TCF4: variants seen among roughly 807,000 people sequenced by gnomAD.
TCF4 encodes the protein transcription factor 4, also known as SL3-3 enhancer factor 2.
In TCF4, 3 loss-of-function variants were observed where a neutral mutation model predicts 82.1. The observed-to-expected ratio is 0.04, with a 90% confidence interval of 0.02 to 0.09. The LOEUF (loss-of-function observed/expected upper bound fraction) is 0.09. Ranked by LOEUF, TCF4 falls within the 10% of genes least tolerant of loss-of-function variation. The probability of loss-of-function intolerance (pLI) is 1.00; values close to 1 mark genes in which losing one functional copy is unlikely to be tolerated. For missense variants in TCF4, 518 were observed against 852.7 expected (o/e 0.61, Z 4.89); for synonymous variants, 276 against 309.6 (o/e 0.89, Z 1.14).
At chr18:55,255,282 G>A (rs985026264) in intron 14 of TCF4, among the ~76,000 whole-genome samples, 3 of 152,176 alleles carry the variant, frequency 2.0e-5, no homozygotes, top group South Asian at 4.2e-4. Context: ...GGTGGTATGC[G>A]TGTAAGGGCC....
At chr18:55,314,973 T>G (rs2073714216) in intron 8 of TCF4, among the ~76,000 whole-genome samples, 1 of 152,048 alleles carries the variant, frequency 6.6e-6, no homozygotes, top group Non-Finnish European at 1.5e-5. Context: ...ATTGTTAACA[T>G]CCCCTATTCA....
At chr18:55,232,779 C>G in intron 16 of TCF4, 108 bp from the exon 17 acceptor site, 1 of 1,422,244 alleles carries the variant, frequency 7.0e-7, no homozygotes, top group Non-Finnish European at 9.7e-7. Context: ...TGTGATCCTT[C>G]TGTCACTTTT....
At chr18:55,428,466 T>C (rs1275770564) in intron 5 of TCF4, among the ~76,000 whole-genome samples, 2 of 152,182 alleles carry the variant, frequency 1.3e-5, no homozygotes, top group Non-Finnish European at 2.9e-5. Flanking sequence ...AATTCAACTG[T>C]CTACTTCATG....
chr18:55,313,708 G>A (rs954830437), intron 8 of TCF4, among the ~76,000 whole-genome samples: 1 of 151,994 alleles, frequency 6.6e-6, no homozygotes, highest in Non-Finnish European at 1.5e-5. Flanking sequence ...TATGCTCCAG[G>A]GGAGAGCCGG....
At chr18:55,391,455 G>C (rs937880292) in intron 6 of TCF4, among the ~76,000 whole-genome samples, 2 of 151,864 alleles carry the variant, frequency 1.3e-5, no homozygotes, top group Admixed American at 6.6e-5. Flanking sequence ...TATCTTACTT[G>C]TAAGTGATGA....
At chr18:55,296,642 G>A (rs990459924) in intron 8 of TCF4, among the ~76,000 whole-genome samples, 1 of 152,148 alleles carries the variant, frequency 6.6e-6, no homozygotes, top group African/African-American at 2.4e-5. Context: ...TCTGTTATAT[G>A]CCAGCCACAT....
chr18:55,401,113 G>A, intron 6 of TCF4: 1 of 1,288,736 alleles, frequency 7.8e-7, no homozygotes, highest in African/African-American at 1.5e-5. Context: ...TTGTAGACAG[G>A]GATTCAAATA....
intron 2 of TCF4, among the ~76,000 whole-genome samples, chr18:55,624,307 T>C (rs1216664123): frequency 6.6e-6 from 1 of 151,850 alleles, no homozygotes; most frequent in Admixed American, 6.6e-5. Flanking sequence ...TACTGCAAGG[T>C]AGATTATTTA....
At chr18:55,538,620 T>C (rs1481468751) in intron 3 of TCF4, among the ~76,000 whole-genome samples, 1 of 152,182 alleles carries the variant, frequency 6.6e-6, no homozygotes, top group Non-Finnish European at 1.5e-5. Context: ...ACTGGACTTT[T>C]AGTGTTGGTC....
intron 4 of TCF4, among the ~76,000 whole-genome samples, chr18:55,461,775 C>T (rs992827279): frequency 2.0e-5 from 3 of 152,114 alleles, no homozygotes; most frequent in African/African-American, 7.2e-5. Flanking sequence ...AGTTGTAAGG[C>T]AGACAAATTT....
Position 55,600,912 on chromosome 18 carries a change from T to C in TCF4, c.287-13776A>G, listed in dbSNP as rs554608316. Among the ~76,000 whole-genome samples, 4 of 152,354 alleles carry C rather than the reference T, an allele frequency of 2.6e-5. 1 individual carries two copies. Among genetic ancestry groups the C allele is most frequent in the African/African-American group, 7.2e-5 (3 of 41,592 alleles). On this transcript the variant is annotated intron_variant, in intron 2 of 20. Transcript: ENST00000398339. ...ATTGCATTAGGTATTACTAGTAATC[T>C]GGAGATGATTTAAAGTATATGGGGG...
chr18:55,260,614 A>G (rs184046403), intron 12 of TCF4, among the ~76,000 whole-genome samples: 1 of 152,264 alleles, frequency 6.6e-6, no homozygotes, highest in East Asian at 1.9e-4. Context: ...GTTGGAGTGC[A>G]GTGGCATGAT....
intron 8 of TCF4, among the ~76,000 whole-genome samples, chr18:55,327,491 A>G (rs1008221401): frequency 6.6e-6 from 1 of 151,850 alleles, no homozygotes; most frequent in Non-Finnish European, 1.5e-5. Flanking sequence ...TGTGAAATCT[A>G]ATTTTATTTG....
At chr18:55,470,996 A>G (rs1176048431) in intron 3 of TCF4, among the ~76,000 whole-genome samples, 2 of 152,160 alleles carry the variant, frequency 1.3e-5, no homozygotes, top group Admixed American at 6.5e-5. Flanking sequence ...GGCTCCTACT[A>G]ATTTCCTAGT....
At chr18:55,444,550 A>C (rs908812317) in intron 5 of TCF4, among the ~76,000 whole-genome samples, 1 of 152,236 alleles carries the variant, frequency 6.6e-6, no homozygotes, top group Non-Finnish European at 1.5e-5. Context: ...AATACACAAT[A>C]CTAGTTAGCT....
chr18:55,335,996 GA>G (rs968747537), intron 8 of TCF4, among the ~76,000 whole-genome samples: 16 of 143,350 alleles, frequency 1.1e-4, no homozygotes, highest in East Asian at 2.0e-4. Flanking sequence ...TAGTAAAAAG[GA>G]AAAAAAAAAG....
intron 6 of TCF4, among the ~76,000 whole-genome samples, chr18:55,367,054 C>G (rs2087371336): frequency 6.6e-6 from 1 of 152,174 alleles, no homozygotes; most frequent in East Asian, 1.9e-4. Context: ...GTTTTACTCA[C>G]ATGGTAGAGA....
intron 12 of TCF4, among the ~76,000 whole-genome samples, chr18:55,260,850 C>T (rs1255553882): frequency 2.6e-5 from 4 of 152,128 alleles, no homozygotes; most frequent in African/African-American, 4.8e-5. Context: ...GTGAGCCACA[C>T]TACCTGGCCC....
chr18:55,391,361 A>AT (rs1255678929), intron 6 of TCF4, among the ~76,000 whole-genome samples: 5 of 152,094 alleles, frequency 3.3e-5, no homozygotes, highest in African/African-American at 4.8e-5. Context: ...CATAATATAT[A>AT]TATTTTTTAA....
Sources: allele counts gnomAD v4.1 joint callset (sites outside exome capture counted in the v4.1 genomes callset), GRCh38; gene constraint gnomAD v4.1.1; transcripts MANE v1.5; gene names NCBI Gene and HGNC (gene_info 2026-07-23, HGNC 2026-07-21).